Variants in TMTC2 observed in about 807,000 individuals in gnomAD.
TMTC2 encodes protein O-mannosyl-transferase TMTC2.
A neutral mutation model predicts 82.4 loss-of-function variants in TMTC2; 43 were observed. The ratio of observed to expected loss-of-function variants is 0.52; its 90% CI spans 0.41 to 0.67. The LOEUF (loss-of-function observed/expected upper bound fraction) is 0.67. Ranked by LOEUF, TMTC2 falls within the 30% of genes least tolerant of loss-of-function variation. The pLI, the probability that TMTC2 is intolerant of heterozygous loss-of-function variation, is 0.00. For synonymous variants in TMTC2, 408 were observed against 381.9 expected (o/e 1.07, Z -0.80); for missense variants, 919 against 1,012.4 (o/e 0.91, Z 1.25).
chr12:83,060,312 T>A (rs1882693465), intron 10 of TMTC2, among the ~76,000 whole-genome samples: 1 of 151,778 alleles, frequency 6.6e-6, no homozygotes, highest in Non-Finnish European at 1.5e-5. Flanking sequence ...TCTTCAGTTA[T>A]TTCCATAATT....
At chr12:83,027,410 T>C (rs1881226896) in intron 8 of TMTC2, among the ~76,000 whole-genome samples, 1 of 152,194 alleles carries the variant, frequency 6.6e-6, no homozygotes, top group Non-Finnish European at 1.5e-5. Context: ...CTTAACGTAG[T>C]TGATAGATTA....
chr12:82,735,335 A>G (rs1175975799), intron 1 of TMTC2, among the ~76,000 whole-genome samples: 1 of 133,626 alleles, frequency 7.5e-6, no homozygotes, highest in Admixed American at 8.7e-5. Context: ...TAACAGTTTT[A>G]TACATTAATT....
chr12:82,762,456 A>G (rs763529513), intron 1 of TMTC2, among the ~76,000 whole-genome samples: 3 of 152,164 alleles, frequency 2.0e-5, no homozygotes, highest in East Asian at 1.9e-4. Context: ...CCACCAAACA[A>G]TTCTCTTCCT....
chr12:82,974,789 A>G (rs1343829654), intron 7 of TMTC2, among the ~76,000 whole-genome samples: 2 of 152,196 alleles, frequency 1.3e-5, no homozygotes, highest in Non-Finnish European at 2.9e-5. Context: ...TGATTGGACA[A>G]AAGGGTACGA....
intron 11 of TMTC2, among the ~76,000 whole-genome samples, chr12:83,079,029 T>C (rs1883377280): frequency 6.6e-6 from 1 of 152,134 alleles, no homozygotes; most frequent in Non-Finnish European, 1.5e-5. Flanking sequence ...TTACAAAATA[T>C]ATATGTATAA....
chr12:82,866,844 A>T (rs1592587055), intron 2 of TMTC2, among the ~76,000 whole-genome samples: 1 of 152,178 alleles, frequency 6.6e-6, no homozygotes, highest in South Asian at 2.1e-4. Context: ...TACATTAGAG[A>T]TTCCTTAAAA....
chr12:82,859,355 C>T (rs766522469), intron 2 of TMTC2, among the ~76,000 whole-genome samples: 3 of 152,050 alleles, frequency 2.0e-5, no homozygotes, highest in African/African-American at 4.8e-5. Flanking sequence ...TGTGAGCCAC[C>T]GCACCCGGTT....
intron 9 of TMTC2, among the ~76,000 whole-genome samples, chr12:83,037,760 A>G (rs1446637726): frequency 6.6e-6 from 1 of 152,120 alleles, no homozygotes; most frequent in Non-Finnish European, 1.5e-5. Flanking sequence ...CTTTCCCATA[A>G]CTAAAATGGG....
At chr12:83,057,881 C>G (rs1240717304) in intron 10 of TMTC2, among the ~76,000 whole-genome samples, 1 of 151,812 alleles carries the variant, frequency 6.6e-6, no homozygotes, top group African/African-American at 2.4e-5. Flanking sequence ...CTAAATGCCA[C>G]TAGTTTTTAT....
intron 10 of TMTC2, among the ~76,000 whole-genome samples, chr12:83,060,946 G>T (rs780630699): frequency 1.3e-5 from 2 of 151,702 alleles, no homozygotes; most frequent in Non-Finnish European, 2.9e-5. Flanking sequence ...GTGAGCAAGA[G>T]AAACTGACTG....
intron 11 of TMTC2, among the ~76,000 whole-genome samples, chr12:83,116,123 G>A (rs750621397): frequency 3.7e-4 from 56 of 152,104 alleles, no homozygotes; most frequent in Admixed American, 1.6e-3. Flanking sequence ...TCATTCTTAC[G>A]CCTTTGCATC....
chr12:83,132,330 A>T lies in TMTC2; in HGVS notation c.2452A>T (p.Asn818Tyr). ...GCCAGACGATGTCATCACACAGTCC[A>T]ATCTCCGCAAACTGTGGAACATCAT... ...LKPDDVITQS[N>Y]LRKLWNIMEK... is the part of the protein sequence containing the mutation. Residue 818 changes from asparagine to tyrosine, a missense_variant, in exon 12 of 12, where the codon AAT (asparagine) becomes TAT (tyrosine). Coordinates refer to ENST00000321196, the MANE Select transcript of TMTC2 (RefSeq NM_152588.3). 6.2e-7 allele frequency: 1 copy of T among 1,614,110 alleles called. No homozygotes were observed. The highest frequency in any genetic ancestry group is 8.5e-7 in the Non-Finnish European group (1 of 1,180,006).
At chr12:83,107,612 G>A (rs1302220510) in intron 11 of TMTC2, among the ~76,000 whole-genome samples, 1 of 152,056 alleles carries the variant, frequency 6.6e-6, no homozygotes, top group African/African-American at 2.4e-5. Flanking sequence ...AAATTTAGAG[G>A]ACCGTTTCAA....
intron 1 of TMTC2, among the ~76,000 whole-genome samples, chr12:82,755,494 T>A (rs140921425): frequency 9.8e-4 from 149 of 152,358 alleles, no homozygotes; most frequent in African/African-American, 3.4e-3. Flanking sequence ...CTGGCATTTT[T>A]GTTGAAATTA....
At chr12:82,710,688 T>G (rs1213358584) in intron 1 of TMTC2, among the ~76,000 whole-genome samples, 1 of 152,168 alleles carries the variant, frequency 6.6e-6, no homozygotes, top group Non-Finnish European at 1.5e-5. Flanking sequence ...CGAAGAGAAA[T>G]CAAATATGGG....
At chr12:82,856,863 C>A in intron 1 of TMTC2, 147 bp from the exon 2 acceptor site, 1 of 747,866 alleles carries the variant, frequency 1.3e-6, no homozygotes, top group South Asian at 1.9e-5. Context: ...AAGGGGAGGA[C>A]ATGAATTCAG....
intron 1 of TMTC2, among the ~76,000 whole-genome samples, chr12:82,702,129 A>G (rs886540720): frequency 2.6e-5 from 4 of 152,214 alleles, no homozygotes; most frequent in African/African-American, 9.6e-5. Flanking sequence ...GCCATTTTGG[A>G]GTAATTAATA....
intron 1 of TMTC2, among the ~76,000 whole-genome samples, chr12:82,745,323 A>G (rs534163225): frequency 2.0e-5 from 3 of 152,298 alleles, no homozygotes; most frequent in South Asian, 2.1e-4. Context: ...TGAAAAGACA[A>G]CTGTCACAAA....
At chr12:83,080,302 A>G (rs1883419374) in intron 11 of TMTC2, among the ~76,000 whole-genome samples, 1 of 152,188 alleles carries the variant, frequency 6.6e-6, no homozygotes, top group Non-Finnish European at 1.5e-5. Flanking sequence ...TTAAATGGGA[A>G]TCATAGTCTT....
Sources: gnomAD v4.1 joint callset for allele counts (sites outside exome capture counted in the v4.1 genomes callset) on GRCh38, gnomAD v4.1.1 for gene constraint, MANE v1.5 for transcripts, NCBI Gene and HGNC (gene_info 2026-07-23, HGNC 2026-07-21) for gene names.